TET2: variants seen among roughly 807,000 people sequenced by gnomAD.
TET2 encodes the protein tet methylcytosine dioxygenase 2.
Under a neutral mutation model 142.9 loss-of-function variants are expected in TET2, and 299 were observed. The ratio of observed to expected loss-of-function variants is 2.09; its 90% CI spans 1.90 to 2.30. TET2 has a LOEUF of 2.30. TET2 is among the 30% of genes most tolerant of loss of function. The pLI is 0.00. For synonymous variants in TET2, 819 were observed against 849.0 expected (o/e 0.96, Z 0.61); for missense variants, 2,418 against 2,378.0 (o/e 1.02, Z -0.35).
chr4:105,209,685 A>G (rs1287835909), intron 2 of TET2, among the ~76,000 whole-genome samples: 1 of 152,156 alleles, frequency 6.6e-6, no homozygotes. Context: ...AGATGCTTTT[A>G]TAAGAGGACG....
chr4:105,222,307 T>C (rs1727880472), intron 2 of TET2, among the ~76,000 whole-genome samples: 1 of 152,198 alleles, frequency 6.6e-6, no homozygotes, highest in African/African-American at 2.4e-5. Flanking sequence ...TCCACAATGG[T>C]TGAACTAGTT....
chr4:105,147,887 G>C (rs898183673), intron 1 of TET2: 1 of 152,078 alleles, frequency 6.6e-6, no homozygotes, highest in African/African-American at 2.4e-5. Context: ...TTGCAAGACT[G>C]CAAGGTCAGG....
At chr4:105,263,140 A>G (rs1360405295) in intron 8 of TET2, among the ~76,000 whole-genome samples, 2 of 152,164 alleles carry the variant, frequency 1.3e-5, no homozygotes, top group South Asian at 2.1e-4. Flanking sequence ...GAATGTGCAC[A>G]TTTCTAAAAA....
chr4:105,189,479 T>C (rs1205239383), intron 1 of TET2, among the ~76,000 whole-genome samples: 1 of 151,918 alleles, frequency 6.6e-6, no homozygotes, highest in Non-Finnish European at 1.5e-5. Flanking sequence ...GTAGACACTC[T>C]TCAGTCAGAG....
chr4:105,251,813 T>C (rs1270228361), intron 6 of TET2, among the ~76,000 whole-genome samples: 1 of 152,230 alleles, frequency 6.6e-6, no homozygotes, highest in Non-Finnish European at 1.5e-5. Flanking sequence ...CTTTTTTAAA[T>C]GTTTGAGGAA....
At chr4:105,157,776 A>C (rs1308224656) in intron 1 of TET2, among the ~76,000 whole-genome samples, 2 of 152,144 alleles carry the variant, frequency 1.3e-5, no homozygotes, top group Non-Finnish European at 2.9e-5. Flanking sequence ...TTCTGGGTTC[A>C]AGCGATTCTC....
intron 2 of TET2, among the ~76,000 whole-genome samples, chr4:105,212,796 C>T (rs935829636): frequency 1.3e-5 from 2 of 152,136 alleles, no homozygotes; most frequent in Non-Finnish European, 2.9e-5. Flanking sequence ...TCAAAACCAG[C>T]CTGGCCAACA....
intron 1 of TET2, among the ~76,000 whole-genome samples, chr4:105,148,505 C>G (rs1723146013): frequency 6.6e-6 from 1 of 152,104 alleles, no homozygotes; most frequent in Non-Finnish European, 1.5e-5. Flanking sequence ...AACAAATGAT[C>G]CATCATAGGA....
chr4:105,229,521 A>G (rs1728378361), intron 2 of TET2, among the ~76,000 whole-genome samples: 1 of 152,004 alleles, frequency 6.6e-6, no homozygotes, highest in Non-Finnish European at 1.5e-5. Flanking sequence ...ACGTTGGCCA[A>G]GATGGTCTCG....
At position 105,277,360 on chromosome 4, in the gene TET2, A is replaced by G. The variant is rs1731272642; in HGVS notation, c.*841A>G. On this transcript the variant is annotated 3_prime_UTR_variant, in exon 11 of 11. Transcript: ENST00000380013. ...ACGTATATATGTACATATATACACA[A>G]ACATGTATATGTGCACACACATGTA... 4.5e-6 allele frequency: 1 copy of G among 224,554 alleles called. No homozygotes were observed. Among genetic ancestry groups the G allele is most frequent in the Admixed American group, 5.7e-5 (1 of 17,544 alleles). The allele number at this position is 224,554 out of a possible 1,614,324, so 13.9% of individuals were successfully genotyped here. A position where few individuals can be genotyped will look rare whatever the true frequency, so the allele number is the denominator to read the frequency against.
chr4:105,236,553 A>T lies in TET2; in HGVS notation c.2611A>T (p.Asn871Tyr), dbSNP rs767929296. The T allele has an allele frequency of 7.4e-6, 12 of 1,614,006 alleles. No homozygotes were observed. The highest frequency in any genetic ancestry group is 1.0e-5 in the Non-Finnish European group (12 of 1,180,004). Residue 871 changes from asparagine (N) to tyrosine (Y), a missense_variant, in exon 3 of 11, where the codon AAT (asparagine) becomes TAT (tyrosine). Coordinates refer to ENST00000380013, the MANE Select transcript of TET2 (RefSeq NM_001127208.3). ...NLHHMQYFPN[N>Y]VIPKQDLLHR... is the part of the protein sequence containing the mutation. ...GCATCACATGCAATATTTTCCAAAT[A>T]ATGTGATCCCAAAGCAAGATCTTCT...
intron 2 of TET2, among the ~76,000 whole-genome samples, chr4:105,214,244 G>A (rs1246308731): frequency 3.3e-5 from 5 of 151,502 alleles, no homozygotes; most frequent in Admixed American, 2.0e-4. Flanking sequence ...GGACCTCGGG[G>A]CAGGCCTTAG....
At chr4:105,154,784 C>T (rs1029358573) in intron 1 of TET2, among the ~76,000 whole-genome samples, 1 of 152,004 alleles carries the variant, frequency 6.6e-6, no homozygotes, top group African/African-American at 2.4e-5. Flanking sequence ...CAGCACTTTG[C>T]GAGGCGGAAG....
chr4:105,214,224 G>C (rs181557136), intron 2 of TET2, among the ~76,000 whole-genome samples: 15 of 151,756 alleles, frequency 9.9e-5, no homozygotes, highest in Admixed American at 2.6e-4. Context: ...GTTAGAATGT[G>C]GGGTGTGTTG....
rs2110220309 is a variant in TET2, at chr4:105,234,217, G to C, written c.275G>C (p.Gly92Ala). 6.2e-7 allele frequency: 1 copy of C among 1,614,130 alleles called. No homozygotes were observed. The highest frequency in any genetic ancestry group is 8.5e-7 in the Non-Finnish European group (1 of 1,180,024). ...GGGTATTCCAAGTGTTTGCAAAATGGAGGAATAAAACGCACAGTTAGTGAA... is the reference window on the plus strand; with the variant it reads ...GGGTATTCCAAGTGTTTGCAAAATGCAGGAATAAAACGCACAGTTAGTGAA... ...SRGYSKCLQN[G>A]GIKRTVSEPS... is the part of the protein sequence containing the mutation. The change falls in exon 3 of 11, where the codon GGA becomes GCA. Residue 92 changes from glycine to alanine, a missense_variant. Physicochemically the swap from Gly to Ala is moderately conservative, Grantham distance 60 (BLOSUM62 0). Coordinates refer to ENST00000380013, the MANE Select transcript of TET2 (RefSeq NM_001127208.3).
At chr4:105,212,758 G>A (rs964939795) in intron 2 of TET2, among the ~76,000 whole-genome samples, 9 of 152,192 alleles carry the variant, frequency 5.9e-5, no homozygotes. Context: ...GGGAGGCTGA[G>A]GCGGGTGGAT....
chr4:105,255,767 T>C (rs1730093741), intron 6 of TET2, among the ~76,000 whole-genome samples: 1 of 152,076 alleles, frequency 6.6e-6, no homozygotes, highest in African/African-American at 2.4e-5. Flanking sequence ...ATTGCTAGTC[T>C]TTGCCTTTTA....
At chr4:105,264,146 A>G (rs1730579975) in intron 8 of TET2, among the ~76,000 whole-genome samples, 2 of 151,102 alleles carry the variant, frequency 1.3e-5, no homozygotes, top group Admixed American at 1.3e-4. Flanking sequence ...AAATTAAACG[A>G]TGGTCTATTT....
In TET2 at chr4:105,236,352, A is replaced by T. The variant is rs1728907634; in HGVS notation, c.2410A>T (p.Met804Leu). 6.2e-7 allele frequency: 1 copy of T among 1,614,004 alleles called. No homozygotes were observed. The highest frequency in any genetic ancestry group is 1.1e-5 in the South Asian group (1 of 91,086). ...SSEFETHNVQMGLEEVQNINR... is the reference protein window; with the variant it reads ...SSEFETHNVQLGLEEVQNINR... ...CGAGTTCGAGACTCATAATGTCCAA[A>T]TGGGACTGGAGGAAGTACAGAATAT... The change falls in exon 3 of 11, where the codon ATG becomes TTG. Residue 804 changes from methionine (M) to leucine (L), a missense_variant. Met to Leu is a conservative substitution (Grantham distance 15). Coordinates refer to ENST00000380013, the MANE Select transcript of TET2 (RefSeq NM_001127208.3).
Sources: gnomAD v4.1 joint callset for allele counts (sites outside exome capture counted in the v4.1 genomes callset) on GRCh38, gnomAD v4.1.1 for gene constraint, MANE v1.5 for transcripts, NCBI Gene and HGNC (gene_info 2026-07-23, HGNC 2026-07-21) for gene names.